SECTM1: variants seen among roughly 807,000 people sequenced by gnomAD.
SECTM1 encodes the protein secreted and transmembrane 1.
A neutral mutation model predicts 18.1 loss-of-function variants in SECTM1; 10 were observed. That is an observed-to-expected ratio of 0.55 (90% CI 0.34 to 0.94). The LOEUF (loss-of-function observed/expected upper bound fraction) is 0.94, where lower values mean the gene tolerates loss of function less well. SECTM1 is among the 40% of genes least tolerant of loss of function. SECTM1 has a pLI of 0.02. For missense variants in SECTM1, 297 were observed against 322.6 expected, an observed-to-expected ratio of 0.92 and a Z score of 0.61; for synonymous variants, 137 against 139.2, an observed-to-expected ratio of 0.98 and a Z score of 0.11.
rs1331437132 is a variant in SECTM1 at position 82,329,553 on chromosome 17, AC to A, written c.-52-2262del. On this transcript the variant is annotated intron_variant, in intron 1 of 4. Coordinates refer to ENST00000269389, the MANE Select transcript of SECTM1 (RefSeq NM_003004.3). The surrounding 1 kb of genome is among the most constrained non-coding windows in gnomAD (Gnocchi z 7.6). ...AGACCTTTTGTGGCCCCTCACTAACACCCCCTTTCCTGCTGTGACCCCTCAG... is the reference window on the plus strand; with the variant it reads ...AGACCTTTTGTGGCCCCTCACTAACACCCCTTTCCTGCTGTGACCCCTCAG... 2.6e-5 allele frequency: 4 copies of A among 151,308 alleles called. No individual in the cohort carries two copies. The East Asian group carries it at 7.8e-4, about 29-fold the overall frequency. The allele number at this position is 151,308 out of a possible 1,614,324, so 9.4% of individuals were successfully genotyped here. A position where few individuals can be genotyped will look rare whatever the true frequency, so the allele number is the denominator to read the frequency against.
intron 1 of SECTM1, among the ~76,000 whole-genome samples, chr17:82,333,147 C>A (rs1001324787): frequency 6.6e-6 from 1 of 152,202 alleles, no homozygotes; most frequent in Admixed American, 6.5e-5. Flanking sequence ...ACAGTCCACG[C>A]GTGCCTGCGT....
In SECTM1 at chr17:82,325,007, A is replaced by G; in HGVS notation, c.95-117T>C. On this transcript the variant is annotated intron_variant, in intron 2 of 4. Transcript: ENST00000269389. This position sits in a 1 kb window ranked among gnomAD's most constrained non-coding sequence, Gnocchi z 7.6. ...ACAGGGCCTCTAAGGGACACAGTGA[A>G]CTATGTATACATCCACCCGACCCAA... 2.2e-6 allele frequency: 2 copies of G among 891,356 alleles called. No individual in the cohort carries two copies. The highest frequency in any genetic ancestry group is 1.7e-5 in the African/African-American group (1 of 59,568). 55.2% of individuals were successfully genotyped at this position (891,356 alleles called of 1,614,324 possible).
rs748900863 is a variant in SECTM1, at chr17:82,329,022, CAAAT to C, written c.-52-1734_-52-1731del. Among the ~76,000 whole-genome samples the C allele has an allele frequency of 1.9e-4, 29 of 152,208 alleles. 2 individuals carry two copies. The highest frequency in any genetic ancestry group is 6.5e-5 in the Admixed American group (1 of 15,282). Reference sequence around the variant, plus strand: ...ATTTATAGATGTGTGTTTCTCCAAACAAATAAACCACCAGAAAGTGTCACAGCAG... The same window carrying C: ...ATTTATAGATGTGTGTTTCTCCAAACAAACCACCAGAAAGTGTCACAGCAG... On this transcript the variant is annotated intron_variant, in intron 1 of 4. Coordinates refer to ENST00000269389, the MANE Select transcript of SECTM1 (RefSeq NM_003004.3). The surrounding 1 kb of genome is among the most constrained non-coding windows in gnomAD (Gnocchi z 7.6).
chr17:82,324,815 A>T lies in SECTM1; in HGVS notation c.170T>A (p.Ile57Asn). The T allele has an allele frequency of 6.2e-7, 1 of 1,614,006 alleles. No homozygotes were observed. Among genetic ancestry groups the T allele is most frequent in the Non-Finnish European group, 8.5e-7 (1 of 1,180,004 alleles). The part of the protein sequence containing the change: ...WGENTVMSCN[I>N]SNAFSHVNIK... ...GTTGACATGGGAGAAGGCGTTGGAG[A>T]TGTTGCAGGACATGACGGTGTTCTC... Residue 57 changes from isoleucine to asparagine, a missense_variant, in exon 3 of 5, where the codon ATC (isoleucine) becomes AAC (asparagine). Physicochemically the swap from Ile to Asn is moderately radical, Grantham distance 149. Transcript: ENST00000269389.
At chr17:82,322,442 C>T (rs954542713) in intron 4 of SECTM1, 72 bp from the exon 5 acceptor site, 7 of 1,398,474 alleles carry the variant, frequency 5.0e-6, no homozygotes, top group Non-Finnish European at 6.1e-6. Context: ...CTGGGGCGTG[C>T]GTTCACACTC....
chr17:82,321,783 G>T lies in SECTM1; in HGVS notation c.*378C>A. ...GGAGTGTGTCTGAGGCTCCGGCAGG[G>T]GCCCCCTCACTTGGGCGCGGAGCCC... On this transcript the variant is annotated 3_prime_UTR_variant, in exon 5 of 5. Coordinates refer to ENST00000269389, the MANE Select transcript of SECTM1 (RefSeq NM_003004.3). The T allele has an allele frequency of 4.4e-6, 1 of 228,376 alleles. No individual in the cohort carries two copies. The highest frequency in any genetic ancestry group is 5.1e-5 in the South Asian group (1 of 19,634). The allele number at this position is 228,376 out of a possible 1,614,324, so 14.1% of individuals were successfully genotyped here. A position where few individuals can be genotyped will look rare whatever the true frequency, so the allele number is the denominator to read the frequency against.
In SECTM1 at chr17:82,322,100, C is replaced by T; in HGVS notation, c.*61G>A. 6.4e-7 allele frequency: 1 copy of T among 1,556,924 alleles called. No homozygotes were observed. Among genetic ancestry groups the T allele is most frequent in the Non-Finnish European group, 8.8e-7 (1 of 1,131,190 alleles). On this transcript the variant is annotated 3_prime_UTR_variant, in exon 5 of 5. Coordinates refer to ENST00000269389, the MANE Select transcript of SECTM1 (RefSeq NM_003004.3). ...CCGGGTGGGACGAGAGACCCAGGCCCCGCCACCCAAGGTCGGCACTCAGGG... is the reference window on the plus strand; with the variant it reads ...CCGGGTGGGACGAGAGACCCAGGCCTCGCCACCCAAGGTCGGCACTCAGGG...
At chr17:82,323,073 C>T (rs765913029) in intron 3 of SECTM1, 62 bp from the exon 4 acceptor site, 214 of 1,528,754 alleles carry the variant, frequency 1.4e-4, no homozygotes, top group Non-Finnish European at 1.8e-4. Flanking sequence ...CTACCTCCTC[C>T]GTGTAGCTCC....
In SECTM1 at chr17:82,329,836, A is replaced by C. The variant is rs1599656399; in HGVS notation, c.-52-2544T>G. 4.1e-5 allele frequency among the ~76,000 whole-genome samples: 6 copies of C among 145,226 alleles called. No homozygotes were observed. Among genetic ancestry groups the C allele is most frequent in the African/African-American group, 7.8e-5 (3 of 38,692 alleles). On this transcript the variant is annotated intron_variant, in intron 1 of 4. Transcript: ENST00000269389. This position sits in a 1 kb window ranked among gnomAD's most constrained non-coding sequence, Gnocchi z 7.6. Reference sequence around the variant, plus strand: ...CCCAGCTGCTTCCCTCATCTCCCTGACTCCCCCTCCTCTCTCCCTCTCCTG... The same window carrying C: ...CCCAGCTGCTTCCCTCATCTCCCTGCCTCCCCCTCCTCTCTCCCTCTCCTG...
Position 82,330,622 on chromosome 17 carries a change from C to T in SECTM1, c.-53+3078G>A, listed in dbSNP as rs2052183844. ...CCTGGCAGTGGCTGCATCTGCCTCCCCTCCACCCTGAGTGTCCCAAGTCTG... is the reference window on the plus strand; with the variant it reads ...CCTGGCAGTGGCTGCATCTGCCTCCTCTCCACCCTGAGTGTCCCAAGTCTG... On this transcript the variant is annotated intron_variant, in intron 1 of 4. Coordinates refer to ENST00000269389, the MANE Select transcript of SECTM1 (RefSeq NM_003004.3). This position sits in a 1 kb window ranked among gnomAD's most constrained non-coding sequence, Gnocchi z 6.1. Among the ~76,000 whole-genome samples the T allele has an allele frequency of 6.6e-6, 1 of 152,148 alleles. No individual in the cohort carries two copies. Among genetic ancestry groups the T allele is most frequent in the East Asian group, 1.9e-4 (1 of 5,186 alleles).
chr17:82,330,059 G>C lies in SECTM1; in HGVS notation c.-52-2767C>G, dbSNP rs2052179383. ...CGGTGGGAGACCCAGGCCACCTGCA[G>C]ACCCCTGCATGGAGGTGAGGTTCAC... On this transcript the variant is annotated intron_variant, in intron 1 of 4. Coordinates refer to ENST00000269389, the MANE Select transcript of SECTM1 (RefSeq NM_003004.3). The surrounding 1 kb of genome is among the most constrained non-coding windows in gnomAD (Gnocchi z 6.1). Among the ~76,000 whole-genome samples the C allele has an allele frequency of 6.6e-6, 1 of 152,188 alleles. No homozygotes were observed. The highest frequency in any genetic ancestry group is 6.5e-5 in the Admixed American group (1 of 15,286).
At chr17:82,322,582 A>C (rs1178972444) in intron 4 of SECTM1, among the ~76,000 whole-genome samples, 1 of 151,652 alleles carries the variant, frequency 6.6e-6, no homozygotes, top group Non-Finnish European at 1.5e-5. Flanking sequence ...TGGCTCAGAA[A>C]CTCCAAGTTC....
chr17:82,321,342 G>A lies in SECTM1; in HGVS notation c.*819C>T, dbSNP rs1025217874. On this transcript the variant is annotated 3_prime_UTR_variant, in exon 5 of 5. Coordinates refer to ENST00000269389, the MANE Select transcript of SECTM1 (RefSeq NM_003004.3). ...TGTTTTCTTCATTTCAGATATTCGAGTCATGGAACTTTTTCAAAGAACTGA... is the reference window on the plus strand; with the variant it reads ...TGTTTTCTTCATTTCAGATATTCGAATCATGGAACTTTTTCAAAGAACTGA... The A allele has an allele frequency of 2.0e-5, 3 of 152,260 alleles. No individual in the cohort carries two copies. Among genetic ancestry groups the A allele is most frequent in the Non-Finnish European group, 4.4e-5 (3 of 68,044 alleles). 9.4% of individuals were successfully genotyped at this position (152,260 alleles called of 1,614,324 possible).
In SECTM1 at chr17:82,327,407, A is replaced by G. The variant is rs1349585136; in HGVS notation, c.-52-115T>C. ...CTGGGGGTCCCCGAGCTCTTCCCCG[A>G]CCTGCTCTGGATGCTGGAGCCCCTG... On this transcript the variant is annotated intron_variant, in intron 1 of 4. Transcript: ENST00000269389. The G allele has an allele frequency of 8.0e-6, 5 of 624,404 alleles. No individual in the cohort carries two copies. In the East Asian group the frequency reaches 8.8e-5, roughly 11 times the overall value. 38.7% of individuals were successfully genotyped at this position (624,404 alleles called of 1,614,324 possible). A position where few individuals can be genotyped will look rare whatever the true frequency, so the allele number is the denominator to read the frequency against.
At chr17:82,332,623 G>A (rs987453249) in intron 1 of SECTM1, among the ~76,000 whole-genome samples, 9 of 152,192 alleles carry the variant, frequency 5.9e-5, no homozygotes, top group Non-Finnish European at 1.3e-4. Flanking sequence ...GCAGCCTGCA[G>A]AGGCCATGGA....
Position 82,330,236 on chromosome 17 carries a change from A to T in SECTM1, c.-52-2944T>A, listed in dbSNP as rs2052181073. Among the ~76,000 whole-genome samples the T allele has an allele frequency of 6.6e-6, 1 of 152,026 alleles. No homozygotes were observed. The highest frequency in any genetic ancestry group is 2.4e-5 in the African/African-American group (1 of 41,384). Reference sequence around the variant, plus strand: ...CACTGCTCTCCGCACCACCCCGCCGACCGTGTCCGGGAGGGGATGCCCTGC... The same window carrying T: ...CACTGCTCTCCGCACCACCCCGCCGTCCGTGTCCGGGAGGGGATGCCCTGC... On this transcript the variant is annotated intron_variant, in intron 1 of 4. Transcript: ENST00000269389. The surrounding 1 kb of genome is among the most constrained non-coding windows in gnomAD (Gnocchi z 6.1).
In SECTM1 at chr17:82,324,854, G is replaced by T; in HGVS notation, c.131C>A (p.Ser44Tyr). ...GACGGTGTTCTCGCCCCAAGACACA[G>T]AGACTACCCCCTCTGTGCAGATGGG... Reference protein sequence around the residue: ...DSPICTEGVVSVSWGENTVMS... With the variant: ...DSPICTEGVVYVSWGENTVMS... Residue 44 changes from serine to tyrosine, a missense_variant, in exon 3 of 5, where the codon TCT (serine) becomes TAT (tyrosine). By Grantham distance (144) the Ser-to-Tyr change is moderately radical. Coordinates refer to ENST00000269389, the MANE Select transcript of SECTM1 (RefSeq NM_003004.3). 1.9e-6 allele frequency: 3 copies of T among 1,613,920 alleles called. No homozygotes were observed. The highest frequency in any genetic ancestry group is 2.5e-6 in the Non-Finnish European group (3 of 1,179,980).
rs546013238 is a variant in SECTM1 at position 82,329,360 on chromosome 17, G to A, written c.-52-2068C>T. The stretch of plus-strand genomic sequence containing the variant: ...ACGTCACCAACCCCGAGGTGCTGCT[G>A]AGGCTCAGGGATGGTCCCACATTGG... On this transcript the variant is annotated intron_variant, in intron 1 of 4. Coordinates refer to ENST00000269389, the MANE Select transcript of SECTM1 (RefSeq NM_003004.3). This position sits in a 1 kb window ranked among gnomAD's most constrained non-coding sequence, Gnocchi z 7.6. 51 of 152,516 alleles carry A rather than the reference G, an allele frequency of 3.3e-4. No homozygotes were observed. Among genetic ancestry groups the A allele is most frequent in the African/African-American group, 1.1e-3 (45 of 41,596 alleles). 9.4% of individuals were successfully genotyped at this position (152,516 alleles called of 1,614,324 possible). A position where few individuals can be genotyped will look rare whatever the true frequency, so the allele number is the denominator to read the frequency against.
chr17:82,327,487 CAAAG>C (rs1358695956), intron 1 of SECTM1, among the ~76,000 whole-genome samples, 195 bp from the exon 2 acceptor site: 2 of 152,196 alleles, frequency 1.3e-5, no homozygotes, highest in African/African-American at 4.8e-5. Flanking sequence ...CCTCACGAAA[CAAAG>C]AAGACACGCG....
Sources: allele counts gnomAD v4.1 joint callset (sites outside exome capture counted in the v4.1 genomes callset), GRCh38; gene constraint gnomAD v4.1.1; non-coding constraint Gnocchi (gnomAD v3.1); transcripts MANE v1.5; gene names NCBI Gene and HGNC (gene_info 2026-07-23, HGNC 2026-07-21).